The following DNPEP variants were observed in gnomAD, a reference collection of about 807,000 sequenced individuals.
DNPEP encodes aspartyl aminopeptidase.
In DNPEP, 46 loss-of-function variants were observed where a neutral mutation model predicts 59.1. The ratio of observed to expected loss-of-function variants is 0.78; its 90% CI spans 0.61 to 0.99. DNPEP has a LOEUF of 0.99. Ranked by LOEUF, DNPEP falls within the 50% of genes least tolerant of loss-of-function variation. The probability of loss-of-function intolerance (pLI) is 0.00; values close to 1 mark genes in which losing one functional copy is unlikely to be tolerated. For missense variants in DNPEP, 617 were observed against 649.9 expected, an observed-to-expected ratio of 0.95 and a Z score of 0.55; for synonymous variants, 229 against 242.2, an observed-to-expected ratio of 0.95 and a Z score of 0.50.
intron 5 of DNPEP, 49 bp from the exon 6 acceptor site, chr2:219,386,147 G>A (rs978683055): frequency 2.5e-6 from 4 of 1,607,806 alleles, no homozygotes; most frequent in Non-Finnish European, 3.4e-6. Flanking sequence ...TACCCCAGTG[G>A]TCAGTCTTTA....
intron 12 of DNPEP, 22 bp downstream of exon 12, chr2:219,381,523 A>G (rs1301805286): frequency 2.5e-6 from 4 of 1,613,912 alleles, no homozygotes; most frequent in African/African-American, 2.7e-5. Context: ...CCAAGTCCCT[A>G]GGGAGAAATG....
upstream of DNPEP, chr2:219,388,045 C>T (rs1574994759): frequency 2.5e-6 from 2 of 799,438 alleles, no homozygotes; most frequent in Non-Finnish European, 3.4e-6. Context: ...CCTCGCTGGG[C>T]ACCACCACCC....
chr2:219,387,552 C>A, intron 1 of DNPEP: 2 of 1,372,590 alleles, frequency 1.5e-6, no homozygotes, highest in Non-Finnish European at 1.9e-6. Context: ...CCAAGGAGCA[C>A]CCTGACTCCT....
intron 9 of DNPEP, among the ~76,000 whole-genome samples, chr2:219,384,144 C>G (rs1953712229): frequency 6.6e-6 from 1 of 152,244 alleles, no homozygotes; most frequent in African/African-American, 2.4e-5. Context: ...CCTCCTTCTT[C>G]TTGCCTCAAC....
rs1204914352 is a variant in DNPEP at position 219,372,699 on chromosome 2, G to A, written c.*1593C>T. On this transcript the variant is annotated 3_prime_UTR_variant, in exon 15 of 15. Transcript: ENST00000273075. ...GTTTTGAAGGTACTCCTTGTCCTGTGTCCAGTTCTGCAACCTGCCTTTTCT... is the reference window on the plus strand; with the variant it reads ...GTTTTGAAGGTACTCCTTGTCCTGTATCCAGTTCTGCAACCTGCCTTTTCT... Among the ~76,000 whole-genome samples, 1 of 152,068 alleles carries A rather than the reference G, an allele frequency of 6.6e-6. No individual in the cohort carries two copies. Among genetic ancestry groups the A allele is most frequent in the Non-Finnish European group, 1.5e-5 (1 of 68,020 alleles).
Position 219,384,385 on chromosome 2 carries a change from C to A in DNPEP, c.833G>T (p.Ser278Ile), listed in dbSNP as rs1388830640. Residue 278 changes from serine to isoleucine, a missense_variant, in exon 9 of 15, where the codon AGC (serine) becomes ATC (isoleucine). Transcript: ENST00000273075. Reference sequence around the variant, plus strand: ...CCTCACCTGCAGGGCACAGAAGCAGCTGTGCAGATTGTCCAGCCGAGGAGC... The same window carrying A: ...CCTCACCTGCAGGGCACAGAAGCAGATGTGCAGATTGTCCAGCCGAGGAGC... ...IFAPRLDNLH[S>I]CFCALQALID... 8 of 1,610,784 alleles carry A rather than the reference C, an allele frequency of 5.0e-6. No individual in the cohort carries two copies. Among genetic ancestry groups the A allele is most frequent in the Non-Finnish European group, 6.8e-6 (8 of 1,178,606 alleles).
intron 13 of DNPEP, among the ~76,000 whole-genome samples, chr2:219,379,947 T>C (rs1574975362): frequency 8.3e-6 from 1 of 120,700 alleles, no homozygotes; most frequent in Non-Finnish European, 1.8e-5. Flanking sequence ...AATAAATAAA[T>C]AAAGTTAAAA....
At position 219,387,174 on chromosome 2, in the gene DNPEP, G is replaced by T. The variant is rs1402981950; in HGVS notation, c.37-11C>A. ...ACCGTTCATGGCCACCTAGGGGAGGGGGATGCTCAGACTTTTACAAGGTCT... is the reference window on the plus strand; with the variant it reads ...ACCGTTCATGGCCACCTAGGGGAGGTGGATGCTCAGACTTTTACAAGGTCT... On this transcript the variant is annotated splice_polypyrimidine_tract_variant and intron_variant, in intron 1 of 14. Coordinates refer to ENST00000273075, the MANE Select transcript of DNPEP (RefSeq NM_012100.4). 6.4e-7 allele frequency: 1 copy of T among 1,552,514 alleles called. No individual in the cohort carries two copies. Among genetic ancestry groups the T allele is most frequent in the African/African-American group, 1.4e-5 (1 of 72,966 alleles).
At chr2:219,385,899 C>A in intron 6 of DNPEP, 69 bp downstream of exon 6, 1 of 1,585,616 alleles carries the variant, frequency 6.3e-7, no homozygotes, top group South Asian at 1.1e-5. Flanking sequence ...TAATGGCTAC[C>A]ATTAGGTAAT....
upstream of DNPEP, among the ~76,000 whole-genome samples, chr2:219,390,324 T>C (rs1953995496): frequency 1.3e-5 from 2 of 152,124 alleles, no homozygotes; most frequent in African/African-American, 2.4e-5. Flanking sequence ...AAATAAACGA[T>C]CAAGCTATTA....
intron 13 of DNPEP, among the ~76,000 whole-genome samples, chr2:219,376,444 C>A (rs540843063): frequency 1.3e-5 from 2 of 148,178 alleles, no homozygotes; most frequent in Non-Finnish European, 3.0e-5. Flanking sequence ...GCTGAGATTG[C>A]GACACTACAC....
chr2:219,395,618 C>G (rs1007856365), intron 1 of DNPEP, among the ~76,000 whole-genome samples: 2 of 152,242 alleles, frequency 1.3e-5, no homozygotes, highest in African/African-American at 2.4e-5. Flanking sequence ...TAAATGGCAA[C>G]TTTGTCCTTC....
chr2:219,387,818 C>A lies in DNPEP; in HGVS notation c.-24G>T. On this transcript the variant is annotated 5_prime_UTR_variant, in exon 1 of 15. Transcript: ENST00000273075. Reference sequence around the variant, plus strand: ...ATCTGGCCTCCGGGCTCGGCCCGCCCCCACCGCGCCGCCTGCCCCGCCCCT... The same window carrying A: ...ATCTGGCCTCCGGGCTCGGCCCGCCACCACCGCGCCGCCTGCCCCGCCCCT... 1 of 1,567,176 alleles carries A rather than the reference C, an allele frequency of 6.4e-7. No individual in the cohort carries two copies. The highest frequency in any genetic ancestry group is 8.6e-7 in the Non-Finnish European group (1 of 1,160,046).
chr2:219,379,954 A>T (rs1335473262), intron 13 of DNPEP, among the ~76,000 whole-genome samples: 1 of 151,856 alleles, frequency 6.6e-6, no homozygotes, highest in African/African-American at 2.4e-5. Flanking sequence ...AAATAAAGTT[A>T]AAAAGTTACA....
intron 1 of DNPEP, 55 bp downstream of exon 1, chr2:219,387,704 G>C (rs1259442182): frequency 6.2e-7 from 1 of 1,605,074 alleles, no homozygotes; most frequent in Non-Finnish European, 8.5e-7. Flanking sequence ...GCCCCGGAGG[G>C]CGCCGGACCC....
chr2:219,387,659 C>A, intron 1 of DNPEP, 100 bp downstream of exon 1: 1 of 1,567,626 alleles, frequency 6.4e-7, no homozygotes, highest in South Asian at 1.2e-5. Flanking sequence ...CGCTTTGGGT[C>A]AGGCGGCCCC....
chr2:219,376,760 G>T (rs1450999143), intron 13 of DNPEP, among the ~76,000 whole-genome samples: 1 of 152,174 alleles, frequency 6.6e-6, no homozygotes, highest in Non-Finnish European at 1.5e-5. Context: ...TTTAGACAAG[G>T]ATTATTGTAA....
chr2:219,386,462 G>A lies in DNPEP; in HGVS notation c.334-51C>T. ...AGAAGGCTTCATGACGATATGTGGA[G>A]ATGAGACTTTGGCTACTCATAAGTA... On this transcript the variant is annotated intron_variant, in intron 4 of 14. Coordinates refer to ENST00000273075, the MANE Select transcript of DNPEP (RefSeq NM_012100.4). The A allele has an allele frequency of 1.9e-6, 3 of 1,610,900 alleles. No homozygotes were observed. In the South Asian group the frequency reaches 3.3e-5, roughly 18 times the overall value.
At chr2:219,377,905 A>G (rs996072251) in intron 13 of DNPEP, among the ~76,000 whole-genome samples, 1 of 152,122 alleles carries the variant, frequency 6.6e-6, no homozygotes, top group Non-Finnish European at 1.5e-5. Context: ...CCTGGGAGAC[A>G]AAGCAAGACC....
Sources: gnomAD v4.1 joint callset for allele counts (sites outside exome capture counted in the v4.1 genomes callset) on GRCh38, gnomAD v4.1.1 for gene constraint, MANE v1.5 for transcripts, NCBI Gene and HGNC (gene_info 2026-07-23, HGNC 2026-07-21) for gene names.